ZNF106: variants seen among roughly 807,000 people sequenced by gnomAD.
ZNF106 encodes zinc finger protein 106.
ZNF106 carries 67 observed loss-of-function variants against 195.1 expected under a neutral mutation model. The ratio of observed to expected loss-of-function variants is 0.34; its 90% CI spans 0.28 to 0.42. ZNF106 has a LOEUF of 0.42. Ranked by LOEUF, ZNF106 falls within the 10% of genes least tolerant of loss-of-function variation. ZNF106 has a pLI of 1.00. For missense variants in ZNF106, 2,118 were observed against 2,304.5 expected, an observed-to-expected ratio of 0.92 and a Z score of 1.66; for synonymous variants, 784 against 818.6, an observed-to-expected ratio of 0.96 and a Z score of 0.72.
At chr15:42,437,831 C>T (rs1485347687) in intron 12 of ZNF106, among the ~76,000 whole-genome samples, 1 of 150,986 alleles carries the variant, frequency 6.6e-6, no homozygotes, top group Non-Finnish European at 1.5e-5. Flanking sequence ...TCACTTGAAC[C>T]CAGAGGCAGA....
chr15:42,462,972 T>G (rs563912681), intron 3 of ZNF106, among the ~76,000 whole-genome samples: 1 of 151,868 alleles, frequency 6.6e-6, no homozygotes, highest in African/African-American at 2.4e-5. Flanking sequence ...TTTTTGTTTT[T>G]TTTTTTGTAG....
In ZNF106 at chr15:42,488,186, G is replaced by A. The variant is rs116850165; in HGVS notation, c.-33+2794C>T. Among the ~76,000 whole-genome samples the A allele has an allele frequency of 5.2e-3, 790 of 152,210 alleles. 1 individual carries two copies. Among genetic ancestry groups the A allele is most frequent in the Non-Finnish European group, 9.0e-3 (609 of 68,018 alleles). On this transcript the variant is annotated intron_variant, in intron 1 of 21. Coordinates refer to ENST00000564754, the MANE Select transcript of ZNF106 (RefSeq NM_001366845.3). ...CCATCCAAAGTTGGTAGAATCCATG[G>A]ATGCAGAACCCATGGACGGATATGG...
chr15:42,471,395 A>C (rs2056664691), intron 2 of ZNF106, among the ~76,000 whole-genome samples: 3 of 152,212 alleles, frequency 2.0e-5, no homozygotes, highest in Admixed American at 1.3e-4. Flanking sequence ...AGGCAGGTAA[A>C]GGCAAAAAGT....
chr15:42,424,148 T>G, intron 16 of ZNF106, 88 bp from the exon 17 acceptor site: 1 of 1,171,160 alleles, frequency 8.5e-7, no homozygotes, highest in Non-Finnish European at 1.2e-6. Context: ...AATTCTAATT[T>G]CCATCCTATT....
Position 42,433,262 on chromosome 15 carries a change from C to T in ZNF106, c.4881+2122G>A, listed in dbSNP as rs931097217. Among the ~76,000 whole-genome samples the T allele has an allele frequency of 2.0e-5, 3 of 151,912 alleles. No individual in the cohort carries two copies. In the East Asian group the frequency reaches 5.9e-4, roughly 30 times the overall value. On this transcript the variant is annotated intron_variant, in intron 14 of 21. Transcript: ENST00000564754. ...CTGGGACTACAGGCGCCTGCCACCA[C>T]GCCTGGCTAATTTTTCGTATTTTTA...
chr15:42,438,780 T>C, intron 11 of ZNF106, 113 bp from the exon 12 acceptor site: 1 of 972,946 alleles, frequency 1.0e-6, no homozygotes, highest in Non-Finnish European at 1.5e-6. Context: ...GTAGCAATGA[T>C]ATAAGAGATT....
chr15:42,472,711 T>C (rs2056702639), intron 1 of ZNF106, among the ~76,000 whole-genome samples: 1 of 152,118 alleles, frequency 6.6e-6, no homozygotes, highest in Non-Finnish European at 1.5e-5. Context: ...TAAGATTCTT[T>C]TAAAGTTTAA....
In ZNF106 at chr15:42,415,692, T is replaced by A. The variant is rs28576515; in HGVS notation, c.*1612A>T. 1,991 of 211,340 alleles carry A rather than the reference T, an allele frequency of 9.4e-3. 51 individuals are homozygous for A. Among genetic ancestry groups the A allele is most frequent in the African/African-American group, 0.05 (1,904 of 37,892 alleles). 13.1% of individuals were successfully genotyped at this position (211,340 alleles called of 1,614,324 possible). Reference sequence around the variant, plus strand: ...AGGCACCATGTCCCAAAGCTTGGTATGTGGCCCTGGGCTCCTCCCCCAATT... The same window carrying A: ...AGGCACCATGTCCCAAAGCTTGGTAAGTGGCCCTGGGCTCCTCCCCCAATT... On this transcript the variant is annotated 3_prime_UTR_variant, in exon 22 of 22. Coordinates refer to ENST00000564754, the MANE Select transcript of ZNF106 (RefSeq NM_001366845.3).
chr15:42,444,924 T>C lies in ZNF106; in HGVS notation c.3263A>G (p.Lys1088Arg), dbSNP rs767276269. 1.2e-6 allele frequency: 2 copies of C among 1,614,094 alleles called. No individual in the cohort carries two copies. The change falls in exon 8 of 22, where the codon AAG becomes AGG. Residue 1088 changes from lysine to arginine, a missense_variant. By Grantham distance (26) the Lys-to-Arg change is conservative. Coordinates refer to ENST00000564754, the MANE Select transcript of ZNF106 (RefSeq NM_001366845.3). ...NISLREEELSKSLQCMDNNLL... is the reference protein window; with the variant it reads ...NISLREEELSRSLQCMDNNLL... ...ATTGTTATCCATGCACTGCAATGACTTACTAAGTTCTTCCTCCCTTAAAGA... is the reference window on the plus strand; with the variant it reads ...ATTGTTATCCATGCACTGCAATGACCTACTAAGTTCTTCCTCCCTTAAAGA...
chr15:42,456,902 T>C, intron 4 of ZNF106, 56 bp downstream of exon 4: 6 of 1,481,960 alleles, frequency 4.0e-6, no homozygotes, highest in Non-Finnish European at 5.5e-6. Context: ...ATATAAAATA[T>C]ATTCTCTGCT....
intron 6 of ZNF106, 52 bp downstream of exon 6, chr15:42,448,020 A>G: frequency 1.3e-6 from 2 of 1,534,804 alleles, no homozygotes; most frequent in Non-Finnish European, 1.8e-6. Flanking sequence ...TTCATAAGCA[A>G]CCAACTTGCC....
intron 3 of ZNF106, among the ~76,000 whole-genome samples, chr15:42,460,272 C>T (rs901566134): frequency 2.0e-5 from 3 of 152,068 alleles, no homozygotes; most frequent in African/African-American, 7.2e-5. Context: ...AATGCTCAAA[C>T]TATCAAAACC....
intron 3 of ZNF106, among the ~76,000 whole-genome samples, chr15:42,461,771 C>T (rs997910044): frequency 2.0e-5 from 3 of 152,166 alleles, no homozygotes; most frequent in Non-Finnish European, 4.4e-5. Context: ...GTCTCAGTGT[C>T]AGAAACCCAG....
In ZNF106 at chr15:42,479,314, C is replaced by T. The variant is rs182021999; in HGVS notation, c.-32-6993G>A. Among the ~76,000 whole-genome samples, 491 of 152,006 alleles carry T rather than the reference C, an allele frequency of 3.2e-3. 1 individual carries two copies. Among genetic ancestry groups the T allele is most frequent in the African/African-American group, 0.011 (440 of 41,470 alleles). Reference sequence around the variant, plus strand: ...GCTTGAACCCAGGAGGCAGAGGTTGCGGTGAGCTGAGATCATGCCACTGCA... The same window carrying T: ...GCTTGAACCCAGGAGGCAGAGGTTGTGGTGAGCTGAGATCATGCCACTGCA... On this transcript the variant is annotated intron_variant, in intron 1 of 21. Transcript: ENST00000564754.
intron 15 of ZNF106, chr15:42,427,486 T>C (rs2054899559): frequency 2.0e-5 from 3 of 153,062 alleles, no homozygotes; most frequent in Admixed American, 6.5e-5. Flanking sequence ...GCAAACCTCT[T>C]AGTTCACCTC....
intron 2 of ZNF106, among the ~76,000 whole-genome samples, chr15:42,467,752 T>G (rs185557887): frequency 2.2e-4 from 34 of 152,182 alleles, no homozygotes; most frequent in African/African-American, 7.7e-4. Context: ...GAGGTTGCAG[T>G]GAGCTGGTAT....
chr15:42,460,195 C>G (rs1297840151), intron 3 of ZNF106, among the ~76,000 whole-genome samples: 1 of 151,978 alleles, frequency 6.6e-6, no homozygotes, highest in Non-Finnish European at 1.5e-5. Context: ...TAGTATAATC[C>G]CTAAAAAGTA....
At position 42,446,584 on chromosome 15, in the gene ZNF106, C is replaced by T. The variant is rs752418270; in HGVS notation, c.3205+5G>A. 3.2e-6 allele frequency: 5 copies of T among 1,587,112 alleles called. No individual in the cohort carries two copies. In the South Asian group the frequency reaches 5.7e-5, roughly 18 times the overall value. The stretch of plus-strand genomic sequence containing the variant: ...TTCTTTCTTCCAAAATATTCTGCAC[C>T]ATACCTTTTTTTCCTTTAATTTTCC... On this transcript the variant is annotated splice_donor_5th_base_variant and intron_variant, in intron 7 of 21. Transcript: ENST00000564754.
intron 20 of ZNF106, 79 bp downstream of exon 20, chr15:42,420,981 AT>A (rs1463994333): frequency 8.1e-6 from 10 of 1,231,806 alleles, no homozygotes; most frequent in Non-Finnish European, 1.2e-5. Flanking sequence ...TGCTACACTG[AT>A]GATAATGAAG....
Sources: gnomAD v4.1 joint callset for allele counts (sites outside exome capture counted in the v4.1 genomes callset) on GRCh38, gnomAD v4.1.1 for gene constraint, MANE v1.5 for transcripts, NCBI Gene and HGNC (gene_info 2026-07-23, HGNC 2026-07-21) for gene names.